The following YJU2 variants were observed in gnomAD, a reference collection of about 807,000 sequenced individuals.
YJU2 encodes the protein splicing factor YJU2.
A neutral mutation model predicts 39.6 loss-of-function variants in YJU2; 28 were observed. That is an observed-to-expected ratio of 0.71 (90% CI 0.52 to 0.97). The LOEUF (loss-of-function observed/expected upper bound fraction) is 0.97, where lower values mean the gene tolerates loss of function less well. YJU2 is among the 50% of genes least tolerant of loss of function. YJU2 has a pLI of 0.00. For synonymous variants in YJU2, 184 were observed against 182.4 expected, an observed-to-expected ratio of 1.01 and a Z score of -0.07; for missense variants, 328 against 430.4, an observed-to-expected ratio of 0.76 and a Z score of 2.11.
At chr19:4,250,955 T>C in intron 2 of YJU2, 72 bp from the exon 3 acceptor site, 1 of 1,542,462 alleles carries the variant, frequency 6.5e-7, no homozygotes, top group Non-Finnish European at 8.9e-7. Flanking sequence ...TCTTGCAGGA[T>C]GCCGCAGGGA....
chr19:4,250,928 A>C, intron 2 of YJU2, 99 bp from the exon 3 acceptor site: 1 of 1,376,968 alleles, frequency 7.3e-7, no homozygotes, highest in Non-Finnish European at 1.0e-6. Context: ...CCGTTGCTGG[A>C]GGCAAGCAAG....
chr19:4,247,290 G>A (rs1318409764), intron 1 of YJU2, 120 bp downstream of exon 1: 2 of 889,848 alleles, frequency 2.2e-6, no homozygotes, highest in Non-Finnish European at 3.5e-6. Flanking sequence ...CCTTCCGCGA[G>A]ATGGGGCTTC....
At position 4,249,256 on chromosome 19, in the gene YJU2, C is replaced by T. The variant is rs748678607; in HGVS notation, c.53C>T (p.Ser18Leu). ...NKYYPPDFDP[S>L]KIPKLKLPKD... ...TACTACCCGCCGGACTTTGACCCAT[C>T]AAAGATCCCCAAACTCAAGCTCCCC... is the stretch of plus-strand genomic sequence containing the variant. Residue 18 changes from serine to leucine, a missense_variant, in exon 2 of 8, where the codon TCA becomes TTA. This residue lies in a region of YJU2 where 84 missense variants were observed against 165.8 expected (regional missense o/e 0.51). Coordinates refer to ENST00000262962, the MANE Select transcript of YJU2 (RefSeq NM_018074.6). 2.5e-6 allele frequency: 4 copies of T among 1,613,640 alleles called. No homozygotes were observed. In the Admixed American group the frequency reaches 6.7e-5, roughly 27 times the overall value.
chr19:4,258,112 T>G, intron 4 of YJU2, 130 bp from the exon 5 acceptor site: 1 of 1,333,394 alleles, frequency 7.5e-7, no homozygotes, highest in Non-Finnish European at 1.0e-6. Flanking sequence ...GGGCAGGGGG[T>G]TCCCTGAGCA....
chr19:4,265,018 C>T (rs563253567), intron 6 of YJU2, among the ~76,000 whole-genome samples: 2 of 152,222 alleles, frequency 1.3e-5, no homozygotes, highest in African/African-American at 4.8e-5. Context: ...AATTCATTGT[C>T]TACAACTTCC....
chr19:4,248,833 C>T (rs906803006), intron 1 of YJU2, among the ~76,000 whole-genome samples: 12 of 152,028 alleles, frequency 7.9e-5, no homozygotes, highest in Middle Eastern at 3.2e-3. Flanking sequence ...GCAGGAGAAT[C>T]GCTTGAACCC....
In YJU2 at chr19:4,267,791, C is replaced by G. The variant is rs576016566; in HGVS notation, c.859+17C>G. 2.5e-4 allele frequency: 408 copies of G among 1,604,290 alleles called. 6 individuals are homozygous for G. The South Asian group carries it at 4.3e-3, about 17-fold the overall frequency. On this transcript the variant is annotated intron_variant, in intron 7 of 7. Coordinates refer to ENST00000262962, the MANE Select transcript of YJU2 (RefSeq NM_018074.6). ...CCACCCCAGGTAAGGTCACAGAGTT[C>G]CCAGAGCCGGGCGCGGTTTCTATAG...
intron 5 of YJU2, among the ~76,000 whole-genome samples, chr19:4,259,145 C>A (rs1393435943): frequency 7.4e-6 from 1 of 135,960 alleles, no homozygotes. Context: ...GGCAGTGGCG[C>A]CATCTCGCTC....
chr19:4,255,161 T>C (rs1599498247), intron 4 of YJU2, among the ~76,000 whole-genome samples: 1 of 151,266 alleles, frequency 6.6e-6, no homozygotes, highest in Non-Finnish European at 1.5e-5. Context: ...GAGGCAGAGG[T>C]TGCAGTGAGC....
At position 4,250,170 on chromosome 19, in the gene YJU2, T is replaced by G. The variant is rs143684618; in HGVS notation, c.125+842T>G. Among the ~76,000 whole-genome samples the G allele has an allele frequency of 1.8e-4, 28 of 152,274 alleles. No homozygotes were observed. The East Asian group carries it at 5.4e-3, about 29-fold the overall frequency. ...TTCACCAACTCTCAACCCCATACCT[T>G]TTCATGCTCTAGCATATCTGAAATC... On this transcript the variant is annotated intron_variant, in intron 2 of 7. Transcript: ENST00000262962.
intron 6 of YJU2, 147 bp downstream of exon 6, chr19:4,262,261 C>A (rs1158302910): frequency 8.7e-6 from 7 of 807,540 alleles, no homozygotes; most frequent in Non-Finnish European, 1.3e-5. Flanking sequence ...TGCAGTGGCA[C>A]GATCTTGGCT....
intron 5 of YJU2, among the ~76,000 whole-genome samples, chr19:4,259,980 ATCT>A (rs549621174): frequency 6.0e-4 from 91 of 152,052 alleles, no homozygotes; most frequent in Middle Eastern, 3.4e-3. Context: ...GGTCAGTGTG[ATCT>A]TCATCATGGA....
intron 3 of YJU2, among the ~76,000 whole-genome samples, chr19:4,253,569 A>G (rs902790732): frequency 1.3e-5 from 2 of 152,156 alleles, no homozygotes; most frequent in South Asian, 4.1e-4. Flanking sequence ...CAACAGCACG[A>G]GACCCTGTCC....
chr19:4,256,954 G>A (rs552624363), intron 4 of YJU2, among the ~76,000 whole-genome samples: 1 of 152,316 alleles, frequency 6.6e-6, no homozygotes, highest in South Asian at 2.1e-4. Context: ...AGCTTGTCCA[G>A]CCCCTGCTCA....
chr19:4,256,471 C>T (rs2144693000), intron 4 of YJU2, among the ~76,000 whole-genome samples: 1 of 152,140 alleles, frequency 6.6e-6, no homozygotes, highest in South Asian at 2.1e-4. Flanking sequence ...TGTCGCACTG[C>T]TGTCTGTGTG....
At chr19:4,258,160 C>T (rs1971037741) in intron 4 of YJU2, 82 bp from the exon 5 acceptor site, 6 of 1,505,632 alleles carry the variant, frequency 4.0e-6, no homozygotes, top group Admixed American at 2.1e-5. Flanking sequence ...TCCCGTGGCC[C>T]GCAGTGGCCC....
At chr19:4,266,894 G>T (rs924176101) in intron 6 of YJU2, among the ~76,000 whole-genome samples, 2 of 152,160 alleles carry the variant, frequency 1.3e-5, no homozygotes, top group Non-Finnish European at 2.9e-5. Context: ...TTGAGCCCAG[G>T]AGTTCGAGGC....
rs1251850433 is a variant in YJU2 at position 4,251,024 on chromosome 19, C to T, written c.126-3C>T. ...GCTCACATCCCTACATGCTGCCCCGCAGGTGTAAGACGTGCGGAGAATACA... is the reference window on the plus strand; with the variant it reads ...GCTCACATCCCTACATGCTGCCCCGTAGGTGTAAGACGTGCGGAGAATACA... On this transcript the variant is annotated splice_polypyrimidine_tract_variant and splice_region_variant and intron_variant, in intron 2 of 7. Transcript: ENST00000262962. 1 of 1,613,996 alleles carries T rather than the reference C, an allele frequency of 6.2e-7. No homozygotes were observed. Among genetic ancestry groups the T allele is most frequent in the South Asian group, 1.1e-5 (1 of 91,074 alleles).
chr19:4,262,616 CTT>C (rs1971081132), intron 6 of YJU2, among the ~76,000 whole-genome samples: 1 of 151,974 alleles, frequency 6.6e-6, no homozygotes, highest in Non-Finnish European at 1.5e-5. Context: ...GCCAATAAAT[CTT>C]TATTTATAGG....
Sources: gnomAD v4.1 joint callset for allele counts (sites outside exome capture counted in the v4.1 genomes callset) on GRCh38, gnomAD v4.1.1 for gene constraint, gnomAD v4.1.1 regional missense constraint, MANE v1.5 for transcripts, NCBI Gene and HGNC (gene_info 2026-07-23, HGNC 2026-07-21) for gene names.